DCDC1: variants seen among roughly 807,000 people sequenced by gnomAD.
DCDC1 encodes the protein doublecortin domain containing 1.
DCDC1 carries 200 observed loss-of-function variants against 178.3 expected under a neutral mutation model. That is an observed-to-expected ratio of 1.12 (90% CI 1.00 to 1.26). The LOEUF is 1.26. Among genes scored for constraint, DCDC1 ranks in the 50% most tolerant of loss-of-function variants. The probability of loss-of-function intolerance (pLI) is 0.00; values close to 1 mark genes in which losing one functional copy is unlikely to be tolerated. For synonymous variants in DCDC1, 690 were observed against 604.8 expected, an observed-to-expected ratio of 1.14 and a Z score of -2.07; for missense variants, 1,983 against 1,749.2, an observed-to-expected ratio of 1.13 and a Z score of -2.38.
chr11:31,340,421 G>A (rs1413212682), intron 1 of DCDC1, among the ~76,000 whole-genome samples: 1 of 152,110 alleles, frequency 6.6e-6, no homozygotes, highest in African/African-American at 2.4e-5. Context: ...GCTGTGATCT[G>A]GGGGAACCAG....
At chr11:30,919,934 G>A (rs1371638457) in intron 25 of DCDC1, among the ~76,000 whole-genome samples, 1 of 152,172 alleles carries the variant, frequency 6.6e-6, no homozygotes, top group Non-Finnish European at 1.5e-5. Flanking sequence ...GGTAGAGGGA[G>A]GGGTAGGCAA....
chr11:31,285,707 T>C (rs754642855), intron 7 of DCDC1, among the ~76,000 whole-genome samples: 10 of 152,120 alleles, frequency 6.6e-5, no homozygotes, highest in Non-Finnish European at 1.5e-4. Flanking sequence ...ATAAAGTCTA[T>C]TGCTTTTTTA....
chr11:31,306,240 T>C lies in DCDC1; in HGVS notation c.583A>G (p.Ile195Val), dbSNP rs1948451444. The C allele has an allele frequency of 6.4e-7, 1 of 1,551,532 alleles. No homozygotes were observed. The highest frequency in any genetic ancestry group is 8.7e-7 in the Non-Finnish European group (1 of 1,149,804). ...TVFARVTVPT[I>V]TLLLEECTEK... ...TTTGGAACACTAGTTACCAAGGTGATGGTTGGTACAGTAACTCTGGCAAAG... is the reference window on the plus strand; with the variant it reads ...TTTGGAACACTAGTTACCAAGGTGACGGTTGGTACAGTAACTCTGGCAAAG... The change falls in exon 5 of 39, where the codon ATC becomes GTC. Residue 195 changes from isoleucine (I) to valine (V), a missense_variant. By Grantham distance (29) the Ile-to-Val change is conservative. Transcript: ENST00000684477.
intron 38 of DCDC1, among the ~76,000 whole-genome samples, chr11:30,869,575 G>T (rs184397378): frequency 6.6e-6 from 1 of 152,238 alleles, no homozygotes; most frequent in East Asian, 1.9e-4. Context: ...TGTCCACAGT[G>T]GTAAGTCCTA....
chr11:30,900,379 C>T lies in DCDC1; in HGVS notation c.4630G>A (p.Val1544Met), dbSNP rs773192784. 6.4e-7 allele frequency: 1 copy of T among 1,571,082 alleles called. No homozygotes were observed. Among genetic ancestry groups the T allele is most frequent in the Non-Finnish European group, 8.6e-7 (1 of 1,157,722 alleles). Residue 1544 changes from valine (V) to methionine (M), a missense_variant, in exon 33 of 39, where the codon GTG becomes ATG. Physicochemically the swap from Val to Met is conservative, Grantham distance 21. Coordinates refer to ENST00000684477, the MANE Select transcript of DCDC1 (RefSeq NM_001387274.1). ...LILRNPIAIW[V>M]SCGEPFLPPN... ...GGTAGAAATGGTTCACCACAAGACA[C>T]CCAGATGGCAATAGGATTTCTGAGG... is the stretch of plus-strand genomic sequence containing the variant.
At chr11:31,038,842 TAAGAA>T (rs1590841714) in intron 20 of DCDC1, among the ~76,000 whole-genome samples, 1 of 150,156 alleles carries the variant, frequency 6.7e-6, no homozygotes, top group Admixed American at 6.7e-5. Flanking sequence ...TGGATGTACC[TAAGAA>T]AAGATATCTT....
At chr11:31,218,708 C>T (rs1384355971) in intron 9 of DCDC1, among the ~76,000 whole-genome samples, 1 of 152,158 alleles carries the variant, frequency 6.6e-6, no homozygotes, top group Non-Finnish European at 1.5e-5. Context: ...ATTAAAAACT[C>T]AGTGTCTAAC....
At chr11:30,957,099 T>C (rs1590538900) in intron 20 of DCDC1, among the ~76,000 whole-genome samples, 2 of 152,294 alleles carry the variant, frequency 1.3e-5, no homozygotes, top group Non-Finnish European at 2.9e-5. Context: ...CGGAGCTGTC[T>C]ATTCTCTGAT....
chr11:31,292,138 A>T (rs1299196216), intron 6 of DCDC1, among the ~76,000 whole-genome samples: 1 of 152,170 alleles, frequency 6.6e-6, no homozygotes, highest in Non-Finnish European at 1.5e-5. Context: ...GACTATAGAC[A>T]TAAGTCTTCA....
intron 20 of DCDC1, among the ~76,000 whole-genome samples, chr11:30,970,811 T>G (rs1420529227): frequency 1.3e-5 from 2 of 152,196 alleles, no homozygotes; most frequent in Non-Finnish European, 2.9e-5. Context: ...ACCCCATATC[T>G]GCCTACCACA....
chr11:31,199,342 A>G (rs1009306296), intron 9 of DCDC1, among the ~76,000 whole-genome samples: 1 of 152,070 alleles, frequency 6.6e-6, no homozygotes, highest in African/African-American at 2.4e-5. Flanking sequence ...TATTAAGTAC[A>G]TCAACAATTT....
intron 20 of DCDC1, among the ~76,000 whole-genome samples, chr11:30,982,544 T>C (rs1309885681): frequency 6.7e-6 from 1 of 150,116 alleles, no homozygotes; most frequent in East Asian, 1.9e-4. Context: ...AATGATGTAA[T>C]GACGTATTTA....
intron 3 of DCDC1, among the ~76,000 whole-genome samples, chr11:31,310,480 A>C (rs191699335): frequency 8.6e-5 from 13 of 151,638 alleles, no homozygotes; most frequent in Non-Finnish European, 1.8e-4. Flanking sequence ...AACCACGCCC[A>C]GCTGAATTTT....
In DCDC1 at chr11:31,137,711, T is replaced by C; in HGVS notation, c.1295A>G (p.His432Arg). ...KVILSMTAKE[H>R]HKEQEEVSRL... Reference sequence around the variant, plus strand: ...CCTTACTTCTTCCTGTTCCTTATGGTGTTCCTTTGCCGTCATTGAAAGAAT... The same window carrying C: ...CCTTACTTCTTCCTGTTCCTTATGGCGTTCCTTTGCCGTCATTGAAAGAAT... The change falls in exon 10 of 39, where the codon CAC (histidine) becomes CGC (arginine). Residue 432 changes from histidine to arginine, a missense_variant. Transcript: ENST00000684477. 1 of 702,828 alleles carries C rather than the reference T, an allele frequency of 1.4e-6. No individual in the cohort carries two copies. Among genetic ancestry groups the C allele is most frequent in the Non-Finnish European group, 2.6e-6 (1 of 384,926 alleles). The allele number at this position is 702,828 out of a possible 1,614,324, so 43.5% of individuals were successfully genotyped here. A position where few individuals can be genotyped will look rare whatever the true frequency, so the allele number is the denominator to read the frequency against.
chr11:31,216,515 T>C (rs1273019769), intron 9 of DCDC1, among the ~76,000 whole-genome samples: 1 of 152,152 alleles, frequency 6.6e-6, no homozygotes, highest in Non-Finnish European at 1.5e-5. Context: ...TTAAGAAACC[T>C]TACCCGGCCA....
At chr11:30,984,673 C>G (rs767049502) in intron 20 of DCDC1, among the ~76,000 whole-genome samples, 9 of 152,190 alleles carry the variant, frequency 5.9e-5, no homozygotes, top group Non-Finnish European at 1.2e-4. Context: ...CTACCCGTGA[C>G]TTTAAGAAGC....
At chr11:31,115,261 T>C (rs536352315) in intron 11 of DCDC1, among the ~76,000 whole-genome samples, 7 of 152,310 alleles carry the variant, frequency 4.6e-5, no homozygotes, top group South Asian at 2.1e-4. Context: ...TAATCACTTA[T>C]GACATCTATT....
At chr11:30,943,044 TTCTCCCTC>T (rs1947764252) in intron 21 of DCDC1, among the ~76,000 whole-genome samples, 1 of 152,110 alleles carries the variant, frequency 6.6e-6, no homozygotes, top group Non-Finnish European at 1.5e-5. Context: ...GTGCTGGTTC[TTCTCCCTC>T]CATTTTCTCA....
rs114552273 is a variant in DCDC1, at chr11:30,880,100, T to C, written c.5233+1058A>G. ...TATTTTATAACCTACAAACTGGGGATACAGAAAGCTATTGACTAATACTTA... is the reference window on the plus strand; with the variant it reads ...TATTTTATAACCTACAAACTGGGGACACAGAAAGCTATTGACTAATACTTA... On this transcript the variant is annotated intron_variant, in intron 37 of 38. Transcript: ENST00000684477. 4.1e-3 allele frequency among the ~76,000 whole-genome samples: 632 copies of C among 152,298 alleles called. 6 individuals are homozygous for C. Among genetic ancestry groups the C allele is most frequent in the African/African-American group, 0.014 (577 of 41,564 alleles).
Sources: gnomAD v4.1 joint callset for allele counts (sites outside exome capture counted in the v4.1 genomes callset) on GRCh38, gnomAD v4.1.1 for gene constraint, MANE v1.5 for transcripts, NCBI Gene and HGNC (gene_info 2026-07-23, HGNC 2026-07-21) for gene names.